Variants in PCDHGB1 observed in about 807,000 individuals in gnomAD.
The protein encoded by PCDHGB1 is protocadherin gamma-B1.
A neutral mutation model predicts 56.6 loss-of-function variants in PCDHGB1; 34 were observed. The ratio of observed to expected loss-of-function variants is 0.60; its 90% CI spans 0.46 to 0.80. The LOEUF is 0.80. Ranked by LOEUF, PCDHGB1 falls within the 30% of genes least tolerant of loss-of-function variation. PCDHGB1 has a pLI of 0.00. For missense variants in PCDHGB1, 1,278 were observed against 1,204.6 expected (o/e 1.06, Z -0.90); for synonymous variants, 561 against 505.9 (o/e 1.11, Z -1.46).
chr5:141,497,374 T>C (rs2099776044), intron 2 of PCDHGB1, among the ~76,000 whole-genome samples: 1 of 152,112 alleles, frequency 6.6e-6, no homozygotes, highest in Non-Finnish European at 1.5e-5. Flanking sequence ...ATGTGTCCTC[T>C]GGGGTGAGCA....
chr5:141,512,712 A>G lies in PCDHGB1; in HGVS notation c.*1539A>G, dbSNP rs1362654237. 1 of 152,806 alleles carries G rather than the reference A, an allele frequency of 6.5e-6. No homozygotes were observed. The highest frequency in any genetic ancestry group is 2.4e-5 in the African/African-American group (1 of 41,414). 9.5% of individuals were successfully genotyped at this position (152,806 alleles called of 1,614,324 possible). On this transcript the variant is annotated 3_prime_UTR_variant, in exon 4 of 4. Coordinates refer to ENST00000523390, the MANE Select transcript of PCDHGB1 (RefSeq NM_018922.3). Reference sequence around the variant, plus strand: ...GTGTAGTGCGGTGTGCTTTTACGTGATGGCGGGTGGGCAGCGGGCGGCGGG... The same window carrying G: ...GTGTAGTGCGGTGTGCTTTTACGTGGTGGCGGGTGGGCAGCGGGCGGCGGG...
chr5:141,393,472 C>T lies in PCDHGB1; in HGVS notation c.2409+40803C>T, dbSNP rs575533120. On this transcript the variant is annotated intron_variant, in intron 1 of 3. Coordinates refer to ENST00000523390, the MANE Select transcript of PCDHGB1 (RefSeq NM_018922.3). ...CTCACGGCCTCGGATGGCGGCAAGC[C>T]GCCTCGCTCTAGCACAGTGCGCATC... 3.5e-5 allele frequency: 57 copies of T among 1,614,022 alleles called. 2 individuals carry two copies. The South Asian group carries it at 4.2e-4, about 12-fold the overall frequency.
chr5:141,380,978 A>C (rs1244318995), intron 1 of PCDHGB1, among the ~76,000 whole-genome samples: 1 of 152,254 alleles, frequency 6.6e-6, no homozygotes, highest in Non-Finnish European at 1.5e-5. Context: ...AAACAAATAG[A>C]ATTTAACTCC....
At chr5:141,502,216 A>G (rs957759583) in intron 2 of PCDHGB1, among the ~76,000 whole-genome samples, 3 of 152,334 alleles carry the variant, frequency 2.0e-5, no homozygotes, top group Admixed American at 6.5e-5. Context: ...GCAGATTTTC[A>G]TAAATGTTCT....
chr5:141,484,757 T>C (rs2099600412), intron 1 of PCDHGB1, among the ~76,000 whole-genome samples: 1 of 151,626 alleles, frequency 6.6e-6, no homozygotes, highest in East Asian at 1.9e-4. Flanking sequence ...AATGTATATA[T>C]ATATATATGT....
chr5:141,442,414 ACTT>A (rs1258523193), intron 1 of PCDHGB1: 2 of 152,190 alleles, frequency 1.3e-5, no homozygotes, highest in Non-Finnish European at 2.9e-5. Flanking sequence ...GGCTGAGTGA[ACTT>A]CTTTTTTGAA....
chr5:141,498,967 GGGAGGGAAGGAAGGAA>G (rs1333462541), intron 2 of PCDHGB1, among the ~76,000 whole-genome samples: 8 of 129,672 alleles, frequency 6.2e-5, no homozygotes, highest in East Asian at 2.2e-4. Context: ...GAGGGAGGGA[GGGAGGGAAGGAAGGAA>G]GGAAGGAAGG....
Position 141,476,935 on chromosome 5 carries a change from A to G in PCDHGB1, c.2410-17872A>G. The G allele has an allele frequency of 6.2e-7, 1 of 1,614,166 alleles. No homozygotes were observed. Among genetic ancestry groups the G allele is most frequent in the Non-Finnish European group, 8.5e-7 (1 of 1,180,046 alleles). Reference sequence around the variant, plus strand: ...AAGTCCTTGCAACGGATCTGGATGAAGGCCCCAACGGTGAAATTATTTACT... The same window carrying G: ...AAGTCCTTGCAACGGATCTGGATGAGGGCCCCAACGGTGAAATTATTTACT... On this transcript the variant is annotated intron_variant, in intron 1 of 3. Transcript: ENST00000523390. This position sits in a 1 kb window ranked among gnomAD's most constrained non-coding sequence, Gnocchi z 7.6.
intron 1 of PCDHGB1, chr5:141,357,774 G>T: frequency 1.1e-6 from 1 of 919,942 alleles, no homozygotes; most frequent in Non-Finnish European, 1.6e-6. Flanking sequence ...TTCCAATAAT[G>T]ATCAACAGTA....
chr5:141,510,209 G>T (rs1294961681), intron 3 of PCDHGB1, among the ~76,000 whole-genome samples: 12 of 151,440 alleles, frequency 7.9e-5, no homozygotes, highest in African/African-American at 2.9e-4. Flanking sequence ...GGAGGCAGAG[G>T]TTGCAGTGAG....
chr5:141,471,626 G>A (rs938624727), intron 1 of PCDHGB1: 2 of 152,108 alleles, frequency 1.3e-5, no homozygotes, highest in South Asian at 4.1e-4. Context: ...GTAAGCATTG[G>A]TATGGATTAG....
chr5:141,357,261 G>C lies in PCDHGB1; in HGVS notation c.2409+4592G>C, dbSNP rs373241881. ...AGCCTTCAGCAGACCCAGACGACTC[G>C]GGCCTCACACTCTATCTCGTGGTGG... is the stretch of plus-strand genomic sequence containing the variant. On this transcript the variant is annotated intron_variant, in intron 1 of 3. Coordinates refer to ENST00000523390, the MANE Select transcript of PCDHGB1 (RefSeq NM_018922.3). 86 of 1,613,714 alleles carry C rather than the reference G, an allele frequency of 5.3e-5. No homozygotes were observed. The African/African-American group carries it at 1.0e-3, about 19-fold the overall frequency.
intron 1 of PCDHGB1, chr5:141,395,096 C>G (rs769366827): frequency 5.6e-6 from 9 of 1,614,186 alleles, no homozygotes; most frequent in Middle Eastern, 1.6e-4. Flanking sequence ...CCCTCACCGC[C>G]GACTCGCGGA....
rs780029376 is a variant in PCDHGB1 at position 141,375,319 on chromosome 5, G to A, written c.2409+22650G>A. On this transcript the variant is annotated intron_variant, in intron 1 of 3. Coordinates refer to ENST00000523390, the MANE Select transcript of PCDHGB1 (RefSeq NM_018922.3). ...TAGTGACAAATGCAGCTCTAGACCG[G>A]GAAGAGGTATTCTTGTACAACATCA... The A allele has an allele frequency of 9.3e-6, 15 of 1,613,770 alleles. No homozygotes were observed. The South Asian group carries it at 1.5e-4, about 17-fold the overall frequency.
At chr5:141,423,415 G>A (rs779262475) in intron 1 of PCDHGB1, 103 of 1,614,016 alleles carry the variant, frequency 6.4e-5, no homozygotes, top group African/African-American at 1.2e-4. Context: ...GCAGGCTTCT[G>A]AAGGCGGGTT....
At position 141,350,389 on chromosome 5, in the gene PCDHGB1, A is replaced by G; in HGVS notation, c.129A>G (p.Ser43=). Residue 43 remains serine (S), a synonymous_variant, in exon 1 of 4, where the codon TCA becomes TCG. Coordinates refer to ENST00000523390, the MANE Select transcript of PCDHGB1 (RefSeq NM_018922.3). ...YTIPEELANG[S]RVGKLAKDLG... is the part of the protein sequence containing the mutation. ...TTCCAGAGGAGCTAGCCAACGGCTCACGGGTGGGGAAACTTGCCAAGGATC... is the reference window on the plus strand; with the variant it reads ...TTCCAGAGGAGCTAGCCAACGGCTCGCGGGTGGGGAAACTTGCCAAGGATC... The G allele has an allele frequency of 1.9e-6, 3 of 1,596,640 alleles. No homozygotes were observed. Among genetic ancestry groups the G allele is most frequent in the Non-Finnish European group, 2.6e-6 (3 of 1,168,960 alleles).
chr5:141,510,840 A>C (rs2099882997), intron 3 of PCDHGB1, 107 bp from the exon 4 acceptor site: 1 of 1,588,450 alleles, frequency 6.3e-7, no homozygotes, highest in Non-Finnish European at 8.6e-7. Context: ...CAGCGTGGTC[A>C]AGGCCCAGGG....
intron 1 of PCDHGB1, chr5:141,402,878 G>A: frequency 1.4e-6 from 2 of 1,471,050 alleles, no homozygotes; most frequent in Non-Finnish European, 1.8e-6. Context: ...ACCATACTTT[G>A]CAGGGTGGAA....
intron 1 of PCDHGB1, chr5:141,415,234 A>G: frequency 1.2e-6 from 2 of 1,614,136 alleles, no homozygotes; most frequent in Non-Finnish European, 1.7e-6. Context: ...GTCTCCAGCT[A>G]ACTCTGAAAC....
Sources: allele counts gnomAD v4.1 joint callset (sites outside exome capture counted in the v4.1 genomes callset), GRCh38; gene constraint gnomAD v4.1.1; non-coding constraint Gnocchi (gnomAD v3.1); transcripts MANE v1.5; gene names NCBI Gene and HGNC (gene_info 2026-07-23, HGNC 2026-07-21).